The following SLC1A2 variants were observed in gnomAD, a reference collection of about 807,000 sequenced individuals.
The protein encoded by SLC1A2 is excitatory amino acid transporter 2.
SLC1A2 carries 15 observed loss-of-function variants against 48.8 expected under a neutral mutation model. The observed-to-expected ratio is 0.31, with a 90% CI of 0.21 to 0.47. The LOEUF (loss-of-function observed/expected upper bound fraction) is 0.47, where lower values mean the gene tolerates loss of function less well. Ranked by LOEUF, SLC1A2 falls within the 20% of genes least tolerant of loss-of-function variation. The pLI is 0.99. For missense variants in SLC1A2, 502 were observed against 730.5 expected (o/e 0.69, Z 3.61); for synonymous variants, 279 against 272.6 (o/e 1.02, Z -0.23).
intron 1 of SLC1A2, among the ~76,000 whole-genome samples, chr11:35,406,445 A>G (rs1211655303): frequency 6.6e-6 from 1 of 152,142 alleles, no homozygotes; most frequent in African/African-American, 2.4e-5. Context: ...ATGGGAAGAG[A>G]AGGCCTCTCT....
intron 1 of SLC1A2, among the ~76,000 whole-genome samples, chr11:35,347,946 A>G (rs1853100066): frequency 6.6e-6 from 1 of 152,236 alleles, no homozygotes; most frequent in South Asian, 2.1e-4. Context: ...TGTGAGCTTC[A>G]GGAATTCAGA....
At chr11:35,312,119 G>T (rs953795831) in intron 4 of SLC1A2, 79 bp downstream of exon 4, 10 of 1,421,432 alleles carry the variant, frequency 7.0e-6, no homozygotes, top group Non-Finnish European at 9.8e-6. Flanking sequence ...CCCAGAGTTG[G>T]TCTGTTAAAA....
chr11:35,269,997 C>T (rs7936164), intron 9 of SLC1A2, among the ~76,000 whole-genome samples: 4,848 of 152,114 alleles, frequency 0.032, 251 homozygotes, highest in African/African-American at 0.11. Context: ...ATCCCAGCTA[C>T]TCGGGAGGCT....
chr11:35,272,939 C>A (rs768035478), intron 9 of SLC1A2, among the ~76,000 whole-genome samples: 32 of 152,142 alleles, frequency 2.1e-4, no homozygotes, highest in Admixed American at 4.6e-4. Flanking sequence ...CCAAGGTACT[C>A]TCTCTCATCT....
intron 9 of SLC1A2, among the ~76,000 whole-genome samples, chr11:35,275,186 G>A (rs1010987729): frequency 1.4e-4 from 21 of 152,202 alleles, no homozygotes; most frequent in African/African-American, 4.1e-4. Flanking sequence ...GAGCCCTCCT[G>A]GAGGGTGGAG....
At chr11:35,365,599 G>A (rs1369380084) in intron 1 of SLC1A2, among the ~76,000 whole-genome samples, 1 of 55,748 alleles carries the variant, frequency 1.8e-5, no homozygotes, top group Non-Finnish European at 3.0e-5. Flanking sequence ...CCGCTCTGCT[G>A]TCTCTGTCTC....
At chr11:35,352,579 C>T (rs926136303) in intron 1 of SLC1A2, among the ~76,000 whole-genome samples, 7 of 152,184 alleles carry the variant, frequency 4.6e-5, no homozygotes, top group East Asian at 1.9e-4. Flanking sequence ...CTTGAGAAAG[C>T]AGTAAGGCCC....
At chr11:35,317,888 T>C (rs544479193) in intron 1 of SLC1A2, among the ~76,000 whole-genome samples, 2 of 152,302 alleles carry the variant, frequency 1.3e-5, no homozygotes, top group East Asian at 1.9e-4. Context: ...CCTGAGCTAT[T>C]TTCTTCTTGT....
intron 6 of SLC1A2, among the ~76,000 whole-genome samples, chr11:35,296,556 C>A (rs868830162): frequency 3.9e-5 from 6 of 152,118 alleles, no homozygotes; most frequent in Admixed American, 3.3e-4. Context: ...AAATTCCAAC[C>A]CATCAAGGTG....
chr11:35,329,829 A>G (rs1852371700), intron 1 of SLC1A2, among the ~76,000 whole-genome samples: 1 of 152,168 alleles, frequency 6.6e-6, no homozygotes, highest in African/African-American at 2.4e-5. Flanking sequence ...TGCAGCTTTT[A>G]CCCACAGGTT....
At chr11:35,263,468 TA>T (rs955727221) in intron 10 of SLC1A2, among the ~76,000 whole-genome samples, 4 of 151,788 alleles carry the variant, frequency 2.6e-5, no homozygotes, top group African/African-American at 9.7e-5. Flanking sequence ...AACTCCGTCT[TA>T]AAAAAAAGAA....
chr11:35,319,097 A>G (rs2134914665), intron 1 of SLC1A2, among the ~76,000 whole-genome samples: 1 of 152,326 alleles, frequency 6.6e-6, no homozygotes, highest in East Asian at 1.9e-4. Context: ...GTTTCCTGAC[A>G]TATGTGTGCA....
intron 1 of SLC1A2, among the ~76,000 whole-genome samples, chr11:35,399,267 A>T (rs1565303564): frequency 3.3e-5 from 5 of 152,028 alleles, no homozygotes; most frequent in Non-Finnish European, 1.5e-5. Context: ...GTTGGTCTTC[A>T]CCAACACTTA....
At chr11:35,413,340 C>T (rs189296724) in intron 1 of SLC1A2, among the ~76,000 whole-genome samples, 1 of 152,338 alleles carries the variant, frequency 6.6e-6, no homozygotes, top group East Asian at 1.9e-4. Context: ...CACTCACTGG[C>T]TGTAAAATCT....
chr11:35,369,571 T>G (rs1853987584), intron 1 of SLC1A2, among the ~76,000 whole-genome samples: 1 of 152,226 alleles, frequency 6.6e-6, no homozygotes, highest in South Asian at 2.1e-4. Context: ...TGTTGATGCT[T>G]ACCAAAGCAT....
Position 35,317,491 on chromosome 11 carries a change from C to T in SLC1A2, c.43G>A (p.Glu15Lys), listed in dbSNP as rs199730814. The T allele has an allele frequency of 6.2e-7, 1 of 1,613,954 alleles. No individual in the cohort carries two copies. The highest frequency in any genetic ancestry group is 1.3e-5 in the African/African-American group (1 of 75,054). The change falls in exon 2 of 11, where the codon GAA becomes AAA. Residue 15 changes from glutamate (E) to lysine (K), a missense_variant. Transcript: ENST00000278379. ...AGATGACTGTCGTGCATTCGCACTT[C>T]CACCTGCTTGGGCATATTGTTGGCA... is the stretch of plus-strand genomic sequence containing the variant. ...EGANNMPKQV[E>K]VRMHDSHLGS...
intron 1 of SLC1A2, among the ~76,000 whole-genome samples, chr11:35,381,372 G>A (rs932596476): frequency 6.6e-6 from 1 of 152,088 alleles, no homozygotes; most frequent in East Asian, 1.9e-4. Context: ...TAAGTCTTGA[G>A]CTGCCAAACC....
In SLC1A2 at chr11:35,332,514, C is replaced by A. The variant is rs369455858; in HGVS notation, c.18-14998G>T. ...ATATAATGACATGTACAATGCCAGG[C>A]ACCTAATAGGTGTTCAGCAAAAGCT... On this transcript the variant is annotated intron_variant, in intron 1 of 10. Transcript: ENST00000278379. Among the ~76,000 whole-genome samples, 4 of 152,342 alleles carry A rather than the reference C, an allele frequency of 2.6e-5. No homozygotes were observed. The East Asian group carries it at 5.8e-4, about 22-fold the overall frequency.
intron 9 of SLC1A2, among the ~76,000 whole-genome samples, chr11:35,272,672 C>T (rs759723084): frequency 2.6e-5 from 4 of 152,194 alleles, no homozygotes; most frequent in East Asian, 1.9e-4. Context: ...CCCTGTCTTT[C>T]GCGTTGCCCT....
Sources: allele counts gnomAD v4.1 joint callset (sites outside exome capture counted in the v4.1 genomes callset), GRCh38; gene constraint gnomAD v4.1.1; transcripts MANE v1.5; gene names NCBI Gene and HGNC (gene_info 2026-07-23, HGNC 2026-07-21).